CEP170B: variants seen among roughly 807,000 people sequenced by gnomAD.
The protein encoded by CEP170B is centrosomal protein 170B, also known as centrosomal protein of 170 kDa protein B.
Under a neutral mutation model 120.6 loss-of-function variants are expected in CEP170B, and 55 were observed. The observed-to-expected ratio is 0.46, with a 90% CI of 0.37 to 0.57. CEP170B has a LOEUF of 0.57. Among genes scored for constraint, CEP170B ranks in the 20% least tolerant of loss-of-function variants. The pLI is 0.00. For missense variants in CEP170B, 2,212 were observed against 2,253.3 expected (o/e 0.98, Z 0.37); for synonymous variants, 1,033 against 954.5 (o/e 1.08, Z -1.52).
chr14:104,890,131 A>AT (rs1896735907), intron 13 of CEP170B, among the ~76,000 whole-genome samples: 2 of 13,630 alleles, frequency 1.5e-4, no homozygotes, highest in Non-Finnish European at 2.6e-4. Flanking sequence ...GATGGATGGG[A>AT]GGGTGGGTGG....
chr14:104,893,680 T>C lies in CEP170B; in HGVS notation c.4182+14T>C, dbSNP rs1595362646. 1.9e-6 allele frequency: 3 copies of C among 1,582,986 alleles called. No individual in the cohort carries two copies. The highest frequency in any genetic ancestry group is 2.6e-6 in the Non-Finnish European group (3 of 1,165,880). On this transcript the variant is annotated intron_variant, in intron 15 of 18. Coordinates refer to ENST00000414716, the MANE Select transcript of CEP170B (RefSeq NM_001112726.3). ...AACCGAGAGGAGGCACGGTGCCCAC[T>C]ACCGCCACGGAGCTGGGTGTGGGGG... is the stretch of plus-strand genomic sequence containing the variant.
chr14:104,866,309 G>A (rs1341664942), intron 1 of CEP170B, among the ~76,000 whole-genome samples: 1 of 152,244 alleles, frequency 6.6e-6, no homozygotes, highest in African/African-American at 2.4e-5. Flanking sequence ...CTCAGGGCGG[G>A]CCGCGGCAGG....
In CEP170B at chr14:104,868,369, AG is replaced by A. The variant is rs1895295288; in HGVS notation, c.-27-50del. The stretch of plus-strand genomic sequence containing the variant: ...TCTGGGCTGGGCCTTGGATGTGTCC[AG>A]GGGGCTAAGAACCAGGCCAGGGAGC... On this transcript the variant is annotated intron_variant, in intron 1 of 18. Transcript: ENST00000414716. This position sits in a 1 kb window ranked among gnomAD's most constrained non-coding sequence, Gnocchi z 5.9. The A allele has an allele frequency of 3.1e-6, 4 of 1,270,594 alleles. No individual in the cohort carries two copies. In the African/African-American group the frequency reaches 4.4e-5, roughly 14 times the overall value. 78.7% of individuals were successfully genotyped at this position (1,270,594 alleles called of 1,614,324 possible).
rs989470564 is a variant in CEP170B at position 104,886,484 on chromosome 14, G to A, written c.2245G>A (p.Asp749Asn). ...GGAGTTGGATCCTGACAGCCTCAGC[G>A]ATGCCAGTGGGTCGGACGGGGGCCG... ...QEELDPDSLS[D>N]ASGSDGGRGP... is the part of the protein sequence containing the mutation. Residue 749 changes from aspartate (D) to asparagine (N), a missense_variant, in exon 12 of 19, where the codon GAT becomes AAT. By Grantham distance (23) the Asp-to-Asn change is conservative. This residue lies in a region of CEP170B where 2,166 missense variants were observed against 2,166.7 expected (regional missense o/e 1.00). Transcript: ENST00000414716. The A allele has an allele frequency of 5.2e-6, 8 of 1,538,904 alleles. No homozygotes were observed. The highest frequency in any genetic ancestry group is 4.7e-5 in the East Asian group (2 of 42,142).
Position 104,872,365 on chromosome 14 carries a change from GTGTGTGCCATGGGTGTGCA to G in CEP170B, c.105+3819_105+3837del, listed in dbSNP as rs1394085499. On this transcript the variant is annotated intron_variant, in intron 2 of 18. Coordinates refer to ENST00000414716, the MANE Select transcript of CEP170B (RefSeq NM_001112726.3). ...GTGTGTGTGCGTGTGTGTGCCGCGT[GTGTGTGCCATGGGTGTGCA>G]TGTGTGCCGTGGGTGTGCGTGGGTG... is the stretch of plus-strand genomic sequence containing the variant. 1.3e-4 allele frequency among the ~76,000 whole-genome samples: 10 copies of G among 78,338 alleles called. 1 individual carries two copies. The highest frequency in any genetic ancestry group is 3.7e-4 in the African/African-American group (10 of 27,144). 51.4% of individuals were successfully genotyped at this position (78,338 alleles called of 152,430 possible). A position where few individuals can be genotyped will look rare whatever the true frequency, so the allele number is the denominator to read the frequency against.
In CEP170B at chr14:104,891,716, G is replaced by A. The variant is rs1331228933; in HGVS notation, c.3879-1260G>A. On this transcript the variant is annotated intron_variant, in intron 13 of 18. Coordinates refer to ENST00000414716, the MANE Select transcript of CEP170B (RefSeq NM_001112726.3). This position sits in a 1 kb window ranked among gnomAD's most constrained non-coding sequence, Gnocchi z 4.3. ...GAAGGGGATGTGGGGGGCCCATGTGGGTTTCTGGAGTTCTCTGCCTTCCAT... is the reference window on the plus strand; with the variant it reads ...GAAGGGGATGTGGGGGGCCCATGTGAGTTTCTGGAGTTCTCTGCCTTCCAT... 1.3e-5 allele frequency among the ~76,000 whole-genome samples: 2 copies of A among 152,110 alleles called. No individual in the cohort carries two copies. The highest frequency in any genetic ancestry group is 3.9e-4 in the East Asian group (2 of 5,186).
At chr14:104,894,147 C>T in intron 16 of CEP170B, 138 bp from the exon 17 acceptor site, 1 of 716,120 alleles carries the variant, frequency 1.4e-6, no homozygotes, top group Non-Finnish European at 2.4e-6. Flanking sequence ...CTTCATGCAT[C>T]AGGCCTCAGT....
chr14:104,893,731 C>T (rs543961732), intron 15 of CEP170B, 30 bp from the exon 16 acceptor site: 45 of 1,593,062 alleles, frequency 2.8e-5, no homozygotes, highest in South Asian at 1.0e-4. Context: ...TCCTCGAGGG[C>T]GGGGCCATGC....
chr14:104,880,394 G>A lies in CEP170B; in HGVS notation c.441G>A (p.Arg147=), dbSNP rs767399120. 3.7e-6 allele frequency: 6 copies of A among 1,612,674 alleles called. No individual in the cohort carries two copies. In the South Asian group the frequency reaches 6.6e-5, roughly 18 times the overall value. The part of the protein sequence containing the change: ...HTPYCEASNP[R]PEKGDRRPGT... Reference sequence around the variant, plus strand: ...CATACTGCGAGGCCTCGAACCCCAGGCCGGAGAAGGGGGACCGGAGACCAG... The same window carrying A: ...CATACTGCGAGGCCTCGAACCCCAGACCGGAGAAGGGGGACCGGAGACCAG... The change falls in exon 6 of 19, where the codon AGG becomes AGA. Residue 147 remains arginine, a synonymous_variant. Coordinates refer to ENST00000414716, the MANE Select transcript of CEP170B (RefSeq NM_001112726.3).
intron 10 of CEP170B, 115 bp from the exon 11 acceptor site, chr14:104,885,925 C>T (rs1289302903): frequency 1.9e-5 from 17 of 912,530 alleles, no homozygotes; most frequent in Admixed American, 3.0e-5. Flanking sequence ...CCCTGGGTGG[C>T]GCGCATGCGT....
Position 104,883,447 on chromosome 14 carries a change from C to A in CEP170B, c.990C>A (p.Gly330=). 1 of 1,562,876 alleles carries A rather than the reference C, an allele frequency of 6.4e-7. No homozygotes were observed. Among genetic ancestry groups the A allele is most frequent in the Non-Finnish European group, 8.7e-7 (1 of 1,154,768 alleles). The change falls in exon 8 of 19, where the codon GGC becomes GGA. Residue 330 remains glycine (G), a synonymous_variant. Coordinates refer to ENST00000414716, the MANE Select transcript of CEP170B (RefSeq NM_001112726.3). The part of the protein sequence containing the change: ...QNDPSLLHRV[G]PGDDRHSTKS... The stretch of plus-strand genomic sequence containing the variant: ...ACCCGAGCCTGCTGCACCGGGTTGG[C>A]CCTGGGGATGACCGCCACAGCACCA...
At chr14:104,883,586 A>AT in intron 8 of CEP170B, 78 bp downstream of exon 8, 1 of 1,376,776 alleles carries the variant, frequency 7.3e-7, no homozygotes, top group African/African-American at 1.5e-5. Context: ...CACTGTTGCC[A>AT]TGCAGAGGGG....
chr14:104,888,900 T>A (rs1432576924), intron 12 of CEP170B, among the ~76,000 whole-genome samples: 1 of 152,234 alleles, frequency 6.6e-6, no homozygotes, highest in Non-Finnish European at 1.5e-5. Flanking sequence ...TGGAGCCTGC[T>A]GTCCCTACCC....
intron 3 of CEP170B, among the ~76,000 whole-genome samples, chr14:104,877,531 G>A (rs1357742830): frequency 6.6e-6 from 1 of 152,252 alleles, no homozygotes; most frequent in Non-Finnish European, 1.5e-5. Flanking sequence ...AGGGCTCATG[G>A]GGCCAAGGTG....
rs1595350934 is a variant in CEP170B at position 104,887,480 on chromosome 14, A to G, written c.3241A>G (p.Lys1081Glu). ...TGAGRLGSRR[K>E]PAAPPPSPAA... ...GGCAGGACGGCTAGGTTCTCGCCGG[A>G]AACCAGCGGCCCCACCGCCATCCCC... The change falls in exon 12 of 19, where the codon AAA (lysine) becomes GAA (glutamate). Residue 1081 changes from lysine (K) to glutamate (E), a missense_variant. By Grantham distance (56) the Lys-to-Glu change is moderately conservative (BLOSUM62 1). Coordinates refer to ENST00000414716, the MANE Select transcript of CEP170B (RefSeq NM_001112726.3). 1 of 1,611,902 alleles carries G rather than the reference A, an allele frequency of 6.2e-7. No individual in the cohort carries two copies. Among genetic ancestry groups the G allele is most frequent in the East Asian group, 2.2e-5 (1 of 44,872 alleles).
rs1383621097 is a variant in CEP170B at position 104,886,062 on chromosome 14, C to G, written c.1967C>G (p.Pro656Arg). 33 of 1,544,768 alleles carry G rather than the reference C, an allele frequency of 2.1e-5. No homozygotes were observed. The highest frequency in any genetic ancestry group is 2.9e-5 in the Non-Finnish European group (33 of 1,144,190). The change falls in exon 11 of 19, where the codon CCT becomes CGT. Residue 656 changes from proline to arginine, a missense_variant. Coordinates refer to ENST00000414716, the MANE Select transcript of CEP170B (RefSeq NM_001112726.3). ...EHQGLPVPGS[P>R]GGQKWVSRWA... ...CAGGGCCTCCCGGTGCCGGGCTCCC[C>G]TGGGGGTCAGAAGTGGGTGTCCCGC...
rs2140717680 is a variant in CEP170B, at chr14:104,886,883, A to C, written c.2644A>C (p.Lys882Gln). ...AGCCAGTGGTCCCCCAGCGCCCGGC[A>C]AGCCCCCCCACATCTCCAGCCACCC... ...EPASGPPAPG[K>Q]PPHISSHPLL... The change falls in exon 12 of 19, where the codon AAG becomes CAG. Residue 882 changes from lysine (K) to glutamine (Q), a missense_variant. Physicochemically the swap from Lys to Gln is moderately conservative, Grantham distance 53. Around this residue, in one of 2 missense-constraint regions of CEP170B, gnomAD observed 2,166 missense variants for 2,166.7 expected, o/e 1.00. Transcript: ENST00000414716. 6.2e-7 allele frequency: 1 copy of C among 1,610,492 alleles called. No homozygotes were observed.
chr14:104,878,030 T>C, intron 4 of CEP170B, 67 bp downstream of exon 4: 3 of 1,297,826 alleles, frequency 2.3e-6, no homozygotes, highest in Non-Finnish European at 3.3e-6. Flanking sequence ...AGTCACCCTG[T>C]TACTCCAGAA....
intron 1 of CEP170B, among the ~76,000 whole-genome samples, chr14:104,866,312 G>A (rs1327120665): frequency 1.3e-5 from 2 of 152,212 alleles, no homozygotes; most frequent in Non-Finnish European, 2.9e-5. Flanking sequence ...AGGGCGGGCC[G>A]CGGCAGGTGA....
Sources: allele counts gnomAD v4.1 joint callset (sites outside exome capture counted in the v4.1 genomes callset), GRCh38; gene constraint gnomAD v4.1.1; regional missense constraint gnomAD v4.1.1; non-coding constraint Gnocchi (gnomAD v3.1); transcripts MANE v1.5; gene names NCBI Gene and HGNC (gene_info 2026-07-23, HGNC 2026-07-21).